Variants in WASHC2C observed in about 807,000 individuals in gnomAD.
The protein encoded by WASHC2C is WASH complex subunit 2C.
A neutral mutation model predicts 142.2 loss-of-function variants in WASHC2C; 73 were observed. The observed-to-expected ratio is 0.51, with a 90% CI of 0.43 to 0.62. The LOEUF (loss-of-function observed/expected upper bound fraction) is 0.62, where lower values mean the gene tolerates loss of function less well. Among genes scored for constraint, WASHC2C ranks in the 20% least tolerant of loss-of-function variants. The pLI, the probability that WASHC2C is intolerant of heterozygous loss-of-function variation, is 0.00. For synonymous variants in WASHC2C, 337 were observed against 565.5 expected, an observed-to-expected ratio of 0.60 and a Z score of 5.73; for missense variants, 969 against 1,531.7, an observed-to-expected ratio of 0.63 and a Z score of 6.13.
chr10:45,756,762 T>G (rs1203437122), intron 15 of WASHC2C, among the ~76,000 whole-genome samples: 2 of 152,274 alleles, frequency 1.3e-5, no homozygotes, highest in Admixed American at 1.3e-4. Context: ...GCACAGGAAA[T>G]GGCTGCTTGG....
At chr10:45,768,117 C>T (rs1412625562) in intron 19 of WASHC2C, among the ~76,000 whole-genome samples, 2 of 151,392 alleles carry the variant, frequency 1.3e-5, no homozygotes, top group African/African-American at 2.4e-5. Context: ...ATCCCAGCTA[C>T]TCAGGAGGCT....
chr10:45,782,450 A>G (rs1251417360), intron 23 of WASHC2C, among the ~76,000 whole-genome samples: 37 of 151,640 alleles, frequency 2.4e-4, no homozygotes, highest in Non-Finnish European at 1.0e-4. Context: ...AAAAAAAAAA[A>G]AAGGGAAGTA....
intron 8 of WASHC2C, among the ~76,000 whole-genome samples, chr10:45,748,341 G>C (rs1341599435): frequency 7.1e-6 from 1 of 140,264 alleles, no homozygotes; most frequent in Non-Finnish European, 1.5e-5. Context: ...CCAGGCTGGA[G>C]TGCAGTGGCA....
At chr10:45,757,992 G>A (rs2054535600) in intron 16 of WASHC2C, among the ~76,000 whole-genome samples, 1 of 152,144 alleles carries the variant, frequency 6.6e-6, no homozygotes, top group African/African-American at 2.4e-5. Flanking sequence ...CTCAGGATTC[G>A]GACAGTGTGT....
At chr10:45,742,869 T>A (rs1163862308) in intron 5 of WASHC2C, among the ~76,000 whole-genome samples, 2 of 150,464 alleles carry the variant, frequency 1.3e-5, no homozygotes, top group African/African-American at 2.4e-5. Context: ...TACTTTGGCA[T>A]CTTTTTTCTT....
At chr10:45,746,713 A>G in intron 8 of WASHC2C, 66 bp downstream of exon 8, 1 of 1,469,660 alleles carries the variant, frequency 6.8e-7, no homozygotes, top group Non-Finnish European at 9.3e-7. Flanking sequence ...TATATACTAA[A>G]ATTACTTTGG....
chr10:45,761,028 A>C (rs1204284740), intron 17 of WASHC2C, among the ~76,000 whole-genome samples: 1 of 152,052 alleles, frequency 6.6e-6, no homozygotes, highest in Non-Finnish European at 1.5e-5. Flanking sequence ...TGTTGCTATG[A>C]AACAAGTAAC....
intron 3 of WASHC2C, among the ~76,000 whole-genome samples, chr10:45,736,827 A>G (rs1354940925): frequency 7.2e-5 from 11 of 152,152 alleles, no homozygotes; most frequent in African/African-American, 2.6e-4. Flanking sequence ...GAATTCACAT[A>G]CCATAAAATT....
At chr10:45,761,807 T>G (rs2055130284) in intron 17 of WASHC2C, among the ~76,000 whole-genome samples, 1 of 152,240 alleles carries the variant, frequency 6.6e-6, no homozygotes, top group Admixed American at 6.5e-5. Flanking sequence ...TTTCATTTTC[T>G]TAGAACAGCA....
intron 14 of WASHC2C, 51 bp from the exon 15 acceptor site, chr10:45,754,885 A>T (rs546173188): frequency 1.2e-6 from 2 of 1,606,338 alleles, no homozygotes; most frequent in African/African-American, 1.3e-5. Context: ...TGTAAATTCA[A>T]CCGGCCCACA....
chr10:45,749,859 A>T (rs1343063955), intron 8 of WASHC2C, among the ~76,000 whole-genome samples: 3 of 138,814 alleles, frequency 2.2e-5, no homozygotes, highest in Admixed American at 7.3e-5. Context: ...ATATATATTT[A>T]TATATATATA....
At chr10:45,747,167 T>C (rs1429702915) in intron 8 of WASHC2C, among the ~76,000 whole-genome samples, 1 of 152,088 alleles carries the variant, frequency 6.6e-6, no homozygotes, top group East Asian at 1.9e-4. Context: ...TGAGATGGAG[T>C]TTTGCTCTTG....
At chr10:45,785,270 T>TC (rs782715746) in intron 25 of WASHC2C, among the ~76,000 whole-genome samples, 2 of 152,142 alleles carry the variant, frequency 1.3e-5, no homozygotes, top group Non-Finnish European at 2.9e-5. Flanking sequence ...TGTCATTTTC[T>TC]CCCCCAGCCC....
chr10:45,763,689 G>A (rs1322734346), intron 18 of WASHC2C, among the ~76,000 whole-genome samples, 200 bp downstream of exon 18: 1 of 151,336 alleles, frequency 6.6e-6, no homozygotes, highest in East Asian at 1.9e-4. Context: ...CAATGGAGAA[G>A]ACATTAGATT....
At chr10:45,746,729 T>C in intron 8 of WASHC2C, 82 bp downstream of exon 8, 3 of 1,566,942 alleles carry the variant, frequency 1.9e-6, no homozygotes, top group Non-Finnish European at 2.6e-6. Context: ...TTTGGAATGA[T>C]TTATGACCAA....
At position 45,732,053 on chromosome 10, in the gene WASHC2C, C is replaced by T. The variant is rs2050673228; in HGVS notation, c.291+3027C>T. 3.3e-5 allele frequency among the ~76,000 whole-genome samples: 5 copies of T among 152,226 alleles called. No homozygotes were observed. The South Asian group carries it at 1.0e-3, about 32-fold the overall frequency. ...CCTCATGATCCACCCGCCTTGGCCT[C>T]CCAAAGTGCTGGGATTACAGGTGTG... is the stretch of plus-strand genomic sequence containing the variant. On this transcript the variant is annotated intron_variant, in intron 3 of 30. Coordinates refer to ENST00000623400, the MANE Select transcript of WASHC2C (RefSeq NM_001330074.2).
intron 15 of WASHC2C, among the ~76,000 whole-genome samples, chr10:45,755,531 G>C (rs2134801260): frequency 6.6e-6 from 1 of 152,418 alleles, no homozygotes; most frequent in Non-Finnish European, 1.5e-5. Flanking sequence ...AGGTGGCCTT[G>C]GTCTTTCCTC....
chr10:45,736,738 G>T (rs1419959014), intron 3 of WASHC2C, among the ~76,000 whole-genome samples: 1 of 152,192 alleles, frequency 6.6e-6, no homozygotes, highest in African/African-American at 2.4e-5. Flanking sequence ...TCAGGTTGGG[G>T]ATAGGGAGGG....
chr10:45,728,922 A>T lies in WASHC2C; in HGVS notation c.187A>T (p.Lys63Ter), dbSNP rs2050231504. The part of the protein sequence containing the change: ...QTISRTHEIK[K>*]QVDGLIRETK... Reference sequence around the variant, plus strand: ...TATCTCTAGGACCCATGAAATCAAGAAACAAGTGGACGGACTAATCCGGGA... The same window carrying T: ...TATCTCTAGGACCCATGAAATCAAGTAACAAGTGGACGGACTAATCCGGGA... Residue 63 changes from lysine (K) to a stop codon, truncating the protein, a stop_gained, in exon 3 of 31, where the codon AAA (lysine) becomes TAA (stop). Coordinates refer to ENST00000623400, the MANE Select transcript of WASHC2C (RefSeq NM_001330074.2). LOFTEE classifies it high-confidence loss of function. 1 of 1,613,992 alleles carries T rather than the reference A, an allele frequency of 6.2e-7. No individual in the cohort carries two copies. Among genetic ancestry groups the T allele is most frequent in the East Asian group, 2.2e-5 (1 of 44,884 alleles).
Sources: gnomAD v4.1 joint callset for allele counts (sites outside exome capture counted in the v4.1 genomes callset) on GRCh38, gnomAD v4.1.1 for gene constraint, MANE v1.5 for transcripts, NCBI Gene and HGNC (gene_info 2026-07-23, HGNC 2026-07-21) for gene names.